PDE11A: variants seen among roughly 807,000 people sequenced by gnomAD.
PDE11A encodes the protein phosphodiesterase 11A.
In PDE11A, 100 loss-of-function variants were observed where a neutral mutation model predicts 100.5. That is an observed-to-expected ratio of 1.00 (90% CI 0.85 to 1.18). PDE11A has a LOEUF of 1.18. Among genes scored for constraint, PDE11A ranks in the 50% most tolerant of loss-of-function variants. PDE11A has a pLI of 0.00. For synonymous variants in PDE11A, 381 were observed against 420.8 expected (o/e 0.91, Z 1.16); for missense variants, 1,141 against 1,152.6 (o/e 0.99, Z 0.15).
At chr2:177,795,934 A>AATATATATATATATATAT (rs1558942848) in intron 9 of PDE11A, among the ~76,000 whole-genome samples, 6 of 35,384 alleles carry the variant, frequency 1.7e-4, no homozygotes, top group Admixed American at 9.4e-4. Flanking sequence ...TTTTGTTTAA[A>AATATATATATATATATAT]CTATATATAT....
At chr2:177,637,361 T>C (rs1030324589) in intron 19 of PDE11A, among the ~76,000 whole-genome samples, 1 of 152,202 alleles carries the variant, frequency 6.6e-6, no homozygotes, top group Non-Finnish European at 1.5e-5. Context: ...GTCTTCTCTG[T>C]GAAGTCTTCT....
At chr2:177,834,068 T>C (rs2083352592) in intron 6 of PDE11A, among the ~76,000 whole-genome samples, 1 of 152,192 alleles carries the variant, frequency 6.6e-6, no homozygotes, top group African/African-American at 2.4e-5. Flanking sequence ...GGAAACCTGC[T>C]TGCAGGACCC....
intron 12 of PDE11A, among the ~76,000 whole-genome samples, chr2:177,724,581 A>G (rs942656841): frequency 4.6e-5 from 7 of 152,100 alleles, no homozygotes; most frequent in Non-Finnish European, 8.8e-5. Flanking sequence ...AAAATACACA[A>G]TCACAGATTT....
At position 178,018,674 on chromosome 2, in the gene PDE11A, G is replaced by A. The variant is rs116285082; in HGVS notation, c.913-4214C>T. ...CAATCCTCCTGCCTCAGCCTCCTAAGTAGCTAGGACTGCAGGTGCACACCA... is the reference window on the plus strand; with the variant it reads ...CAATCCTCCTGCCTCAGCCTCCTAAATAGCTAGGACTGCAGGTGCACACCA... On this transcript the variant is annotated intron_variant, in intron 1 of 19. Transcript: ENST00000286063. Among the ~76,000 whole-genome samples, 522 of 152,238 alleles carry A rather than the reference G, an allele frequency of 3.4e-3. 1 individual carries two copies. Among genetic ancestry groups the A allele is most frequent in the African/African-American group, 0.012 (500 of 41,540 alleles).
intron 2 of PDE11A, among the ~76,000 whole-genome samples, chr2:177,996,494 C>G (rs752163363): frequency 6.7e-6 from 1 of 149,722 alleles, no homozygotes; most frequent in Non-Finnish European, 1.5e-5. Context: ...TATGTATATA[C>G]ACACATATAC....
chr2:177,791,812 A>G (rs867073233), intron 9 of PDE11A, among the ~76,000 whole-genome samples: 1 of 152,186 alleles, frequency 6.6e-6, no homozygotes. Flanking sequence ...GAAAATAATT[A>G]TGTTAAGGAA....
At chr2:177,857,383 T>G (rs575154613) in intron 5 of PDE11A, among the ~76,000 whole-genome samples, 1 of 152,156 alleles carries the variant, frequency 6.6e-6, no homozygotes, top group South Asian at 2.1e-4. Flanking sequence ...AAGAAAATTT[T>G]ATAAGTAAAT....
chr2:177,764,892 A>G (rs772134776), intron 10 of PDE11A, among the ~76,000 whole-genome samples: 3 of 152,262 alleles, frequency 2.0e-5, no homozygotes, highest in Non-Finnish European at 4.4e-5. Context: ...CATTAGTTCC[A>G]GGAAGTTCTG....
chr2:177,872,516 G>A (rs1480866163), intron 5 of PDE11A, among the ~76,000 whole-genome samples: 1 of 152,112 alleles, frequency 6.6e-6, no homozygotes, highest in Non-Finnish European at 1.5e-5. Flanking sequence ...AGCAAAACTG[G>A]TTATTATTTA....
At chr2:177,716,766 A>T (rs1362926708) in intron 12 of PDE11A, among the ~76,000 whole-genome samples, 1 of 152,242 alleles carries the variant, frequency 6.6e-6, no homozygotes, top group African/African-American at 2.4e-5. Flanking sequence ...TTAGCTGATG[A>T]ATCAGAGCAG....
chr2:177,869,146 G>C (rs1376260757), intron 5 of PDE11A, among the ~76,000 whole-genome samples: 1 of 152,160 alleles, frequency 6.6e-6, no homozygotes, highest in Non-Finnish European at 1.5e-5. Flanking sequence ...CACTAAAATT[G>C]CATTCATTTC....
At chr2:178,087,308 G>A (rs998877366) in intron 2 of PDE11A, among the ~76,000 whole-genome samples, 2 of 150,514 alleles carry the variant, frequency 1.3e-5, no homozygotes, top group Admixed American at 6.6e-5. Flanking sequence ...AGCCAAGATC[G>A]CGCCATTACA....
At chr2:177,929,748 C>T (rs898907162) in intron 2 of PDE11A, among the ~76,000 whole-genome samples, 2 of 152,120 alleles carry the variant, frequency 1.3e-5, no homozygotes, top group South Asian at 2.1e-4. Context: ...ATAAAGCTTT[C>T]CCCCCAAGTC....
At chr2:177,807,171 A>G (rs1182212917) in intron 9 of PDE11A, among the ~76,000 whole-genome samples, 2 of 152,176 alleles carry the variant, frequency 1.3e-5, no homozygotes, top group South Asian at 2.1e-4. Flanking sequence ...AAAGCAGTAA[A>G]GAAAAAAACC....
At chr2:177,804,710 G>T (rs2082844015) in intron 9 of PDE11A, among the ~76,000 whole-genome samples, 1 of 45,424 alleles carries the variant, frequency 2.2e-5, no homozygotes, top group African/African-American at 6.0e-5. Flanking sequence ...GAAAGAAAAT[G>T]TTATATATAT....
chr2:178,020,713 G>T (rs1355309716), intron 1 of PDE11A, among the ~76,000 whole-genome samples: 3 of 151,990 alleles, frequency 2.0e-5, no homozygotes, highest in Non-Finnish European at 4.4e-5. Flanking sequence ...CAGGAAAATC[G>T]ATTGAACCCG....
intron 2 of PDE11A, among the ~76,000 whole-genome samples, chr2:177,977,859 A>C (rs2085830224): frequency 9.7e-6 from 1 of 103,220 alleles, no homozygotes; most frequent in Non-Finnish European, 2.0e-5. Flanking sequence ...TGCTGGGAAA[A>C]CTGGCTAGCC....
intron 1 of PDE11A, among the ~76,000 whole-genome samples, chr2:178,053,792 A>T (rs1237409135): frequency 2.0e-5 from 3 of 152,182 alleles, no homozygotes; most frequent in Non-Finnish European, 4.4e-5. Flanking sequence ...ATACCTAGGA[A>T]TACAACTTAC....
chr2:177,758,296 C>CAAAAAAAA (rs78765770), intron 10 of PDE11A, among the ~76,000 whole-genome samples: 1 of 65,008 alleles, frequency 1.5e-5, no homozygotes, highest in Non-Finnish European at 3.2e-5. Context: ...GACTCCGTCT[C>CAAAAAAAA]AAAAAAAAAA....
Sources: allele counts gnomAD v4.1 joint callset (sites outside exome capture counted in the v4.1 genomes callset), GRCh38; gene constraint gnomAD v4.1.1; transcripts MANE v1.5; gene names NCBI Gene and HGNC (gene_info 2026-07-23, HGNC 2026-07-21).